SLC22A23: variants seen among roughly 807,000 people sequenced by gnomAD.
The protein encoded by SLC22A23 is solute carrier family 22 member 23, also known as ion transporter protein.
A neutral mutation model predicts 61.0 loss-of-function variants in SLC22A23; 26 were observed. That is an observed-to-expected ratio of 0.43 (90% CI 0.31 to 0.59). The LOEUF (loss-of-function observed/expected upper bound fraction) is 0.59. SLC22A23 is among the 20% of genes least tolerant of loss of function. SLC22A23 has a pLI of 0.11. For missense variants in SLC22A23, 796 were observed against 934.7 expected, an observed-to-expected ratio of 0.85 and a Z score of 1.94; for synonymous variants, 430 against 413.9, an observed-to-expected ratio of 1.04 and a Z score of -0.47.
chr6:3,451,513 C>T (rs1392528974), intron 1 of SLC22A23, among the ~76,000 whole-genome samples: 5 of 152,208 alleles, frequency 3.3e-5, no homozygotes, highest in Admixed American at 6.5e-5. Flanking sequence ...AATCATTAAG[C>T]GCAATATTTG....
At position 3,333,304 on chromosome 6, in the gene SLC22A23, GCAT is replaced by G. The variant is rs2127412165; in HGVS notation, c.914-9305_914-9303del. Among the ~76,000 whole-genome samples the G allele has an allele frequency of 6.6e-6, 1 of 152,290 alleles. No homozygotes were observed. The highest frequency in any genetic ancestry group is 1.9e-4 in the East Asian group (1 of 5,182). On this transcript the variant is annotated intron_variant, in intron 3 of 9. Transcript: ENST00000406686. The surrounding 1 kb of genome is among the most constrained non-coding windows in gnomAD (Gnocchi z 4.1). Reference sequence around the variant, plus strand: ...AAATACGGTCAGTTCAGAAGAGGCAGCATCATAAAATCACAATCACTCTGGGTG... The same window carrying G: ...AAATACGGTCAGTTCAGAAGAGGCAGCATAAAATCACAATCACTCTGGGTG...
chr6:3,287,675 G>GTT (rs11418179), intron 6 of SLC22A23, among the ~76,000 whole-genome samples: 3,474 of 136,728 alleles, frequency 0.025, 148 homozygotes, highest in African/African-American at 0.092. Context: ...ACAGGAAACT[G>GTT]TTTTTTTTTT....
At position 3,454,750 on chromosome 6, in the gene SLC22A23, C is replaced by T. The variant is rs1036923711; in HGVS notation, c.654+1156G>A. 9.9e-5 allele frequency among the ~76,000 whole-genome samples: 15 copies of T among 152,194 alleles called. No individual in the cohort carries two copies. Among genetic ancestry groups the T allele is most frequent in the African/African-American group, 3.4e-4 (14 of 41,530 alleles). On this transcript the variant is annotated intron_variant, in intron 1 of 9. Transcript: ENST00000406686. The surrounding 1 kb of genome is among the most constrained non-coding windows in gnomAD (Gnocchi z 4.3). ...TCCCACAGGACAGAGCATTTCTGGC[C>T]AGGTTGGTACAAGATTAAAACAATG... is the stretch of plus-strand genomic sequence containing the variant.
chr6:3,340,224 G>A (rs1041452871), intron 3 of SLC22A23, among the ~76,000 whole-genome samples: 1 of 152,168 alleles, frequency 6.6e-6, no homozygotes, highest in Admixed American at 6.5e-5. Flanking sequence ...ATGACATTGA[G>A]CAAGAGGCTT....
At chr6:3,405,413 G>A (rs972253868) in intron 3 of SLC22A23, among the ~76,000 whole-genome samples, 2 of 152,194 alleles carry the variant, frequency 1.3e-5, no homozygotes, top group Non-Finnish European at 2.9e-5. Context: ...CCACGTATCT[G>A]AAGATGGGGA....
At chr6:3,283,791 C>T in intron 9 of SLC22A23, 61 bp downstream of exon 9, 1 of 1,606,364 alleles carries the variant, frequency 6.2e-7, no homozygotes, top group Non-Finnish European at 8.5e-7. Context: ...AGCCTGGAGC[C>T]AGGGACTCGT....
At chr6:3,404,413 A>G (rs1298823955) in intron 3 of SLC22A23, among the ~76,000 whole-genome samples, 1 of 152,206 alleles carries the variant, frequency 6.6e-6, no homozygotes, top group Non-Finnish European at 1.5e-5. Flanking sequence ...GAGATGATAT[A>G]TCCTTACATG....
At position 3,387,539 on chromosome 6, in the gene SLC22A23, T is replaced by A. The variant is rs189653196; in HGVS notation, c.913+22649A>T. ...GACAGTAGAGAAAACACTGGTGAGA[T>A]TCAAGGAAAGTCCGTCGTTTAGTTA... is the stretch of plus-strand genomic sequence containing the variant. On this transcript the variant is annotated intron_variant, in intron 3 of 9. Coordinates refer to ENST00000406686, the MANE Select transcript of SLC22A23 (RefSeq NM_015482.2). This position sits in a 1 kb window ranked among gnomAD's most constrained non-coding sequence, Gnocchi z 5.0. Among the ~76,000 whole-genome samples the A allele has an allele frequency of 6.6e-6, 1 of 152,270 alleles. No homozygotes were observed. The highest frequency in any genetic ancestry group is 2.4e-5 in the African/African-American group (1 of 41,536).
At position 3,456,382 on chromosome 6, in the gene SLC22A23, C is replaced by T; in HGVS notation, c.178G>A (p.Gly60Ser). The change falls in exon 1 of 10, where the codon GGC (glycine) becomes AGC (serine). Residue 60 changes from glycine (G) to serine (S), a missense_variant. Coordinates refer to ENST00000406686, the MANE Select transcript of SLC22A23 (RefSeq NM_015482.2). This position sits in a 1 kb window ranked among gnomAD's most constrained non-coding sequence, Gnocchi z 7.1. Reference sequence around the variant, plus strand: ...GAGCAGCAGCTCGGGTGCGGGCCGCCTCCAGGATGCAGTGGGGGCAGCGGC... The same window carrying T: ...GAGCAGCAGCTCGGGTGCGGGCCGCTTCCAGGATGCAGTGGGGGCAGCGGC... ...IQPLPPLHPG[G>S]GPHPSCCSAA... is the part of the protein sequence containing the mutation. 2 of 1,536,686 alleles carry T rather than the reference C, an allele frequency of 1.3e-6. No individual in the cohort carries two copies. Among genetic ancestry groups the T allele is most frequent in the Non-Finnish European group, 1.8e-6 (2 of 1,140,092 alleles).
chr6:3,305,561 C>T (rs983036089), intron 4 of SLC22A23, among the ~76,000 whole-genome samples: 14 of 152,174 alleles, frequency 9.2e-5, no homozygotes, highest in Middle Eastern at 3.2e-3. Flanking sequence ...TAATGTGCAG[C>T]GTGGCCATAT....
intron 1 of SLC22A23, among the ~76,000 whole-genome samples, chr6:3,434,261 T>A (rs2031895): frequency 1.3e-5 from 2 of 151,492 alleles, no homozygotes; most frequent in Non-Finnish European, 2.9e-5. Flanking sequence ...TGCAGTGAGC[T>A]GAGATCACGC....
intron 4 of SLC22A23, among the ~76,000 whole-genome samples, chr6:3,321,381 C>T (rs552180465): frequency 6.6e-6 from 1 of 151,032 alleles, no homozygotes; most frequent in Non-Finnish European, 1.5e-5. Context: ...CACGTGCACA[C>T]ACATGCACAC....
chr6:3,278,222 C>A (rs1288379649), intron 9 of SLC22A23, among the ~76,000 whole-genome samples: 1 of 152,250 alleles, frequency 6.6e-6, no homozygotes, highest in African/African-American at 2.4e-5. Context: ...ACAGATTCCC[C>A]TGCCTTAGCC....
chr6:3,438,569 G>C, intron 1 of SLC22A23: 1 of 453,596 alleles, frequency 2.2e-6, no homozygotes, highest in Non-Finnish European at 4.4e-6. Flanking sequence ...TAAAACCACC[G>C]TAATAGGAAT....
At chr6:3,415,664 G>C in intron 2 of SLC22A23, 88 bp downstream of exon 2, 1 of 909,630 alleles carries the variant, frequency 1.1e-6, no homozygotes, top group Non-Finnish European at 1.7e-6. Flanking sequence ...AGACAGTCAT[G>C]GTAAGCTAAC....
chr6:3,292,076 C>G (rs903948321), intron 5 of SLC22A23: 1 of 152,180 alleles, frequency 6.6e-6, no homozygotes, highest in Non-Finnish European at 1.5e-5. Context: ...TTTCAGGAAG[C>G]ACATGAAGCG....
At chr6:3,444,827 G>A (rs1403195485) in intron 1 of SLC22A23, 9 of 985,542 alleles carry the variant, frequency 9.1e-6, no homozygotes, top group African/African-American at 5.2e-5. Flanking sequence ...ACCTGGCTCC[G>A]AACATCATCG....
intron 3 of SLC22A23, among the ~76,000 whole-genome samples, chr6:3,374,582 C>T (rs1438994367): frequency 1.3e-5 from 2 of 152,020 alleles, no homozygotes. Flanking sequence ...CTATGATGAC[C>T]CTTAAGTAAA....
intron 3 of SLC22A23, among the ~76,000 whole-genome samples, chr6:3,365,960 A>C (rs9405634): frequency 0.7 from 106,641 of 152,020 alleles, 37,693 homozygotes; most frequent in East Asian, 0.84. Flanking sequence ...CACAGTGATG[A>C]TGCTGCATCG....
Sources: gnomAD v4.1 joint callset for allele counts (sites outside exome capture counted in the v4.1 genomes callset) on GRCh38, gnomAD v4.1.1 for gene constraint, Gnocchi (gnomAD v3.1) non-coding constraint, MANE v1.5 for transcripts, NCBI Gene and HGNC (gene_info 2026-07-23, HGNC 2026-07-21) for gene names.